The following KLHL4 variants were observed in gnomAD, a reference collection of about 807,000 sequenced individuals.
KLHL4 encodes kelch-like protein 4.
Under a neutral mutation model 45.8 loss-of-function variants are expected in KLHL4, and 17 were observed. That is an observed-to-expected ratio of 0.37 (90% CI 0.25 to 0.56). The LOEUF (loss-of-function observed/expected upper bound fraction) is 0.56, where lower values mean the gene tolerates loss of function less well. KLHL4 is among the 20% of genes least tolerant of loss of function. The pLI is 0.79. For synonymous variants in KLHL4, 224 were observed against 189.9 expected, an observed-to-expected ratio of 1.18 and a Z score of -1.47; for missense variants, 544 against 544.9, an observed-to-expected ratio of 1.00 and a Z score of 0.02.
chrX:87,622,041 G>A (rs775224618), intron 4 of KLHL4, among the ~76,000 whole-genome samples, 170 bp from the exon 5 acceptor site: 1 of 111,647 alleles, frequency 9.0e-6, no homozygotes, highest in Admixed American at 9.6e-5. Context: ...GCTCCAGAAG[G>A]CTCCCTGTTA....
Position 87,664,322 on chromosome X carries a change from G to T in KLHL4, c.1926-442G>T, listed in dbSNP as rs1924293598. Reference sequence around the variant, plus strand: ...TACTACATTTCATACAGCAAAAATAGAAAGGCAATTATATTCAGGTTTACT... The same window carrying T: ...TACTACATTTCATACAGCAAAAATATAAAGGCAATTATATTCAGGTTTACT... On this transcript the variant is annotated intron_variant, in intron 9 of 10. Coordinates refer to ENST00000373119, the MANE Select transcript of KLHL4 (RefSeq NM_019117.5). 2.7e-5 allele frequency among the ~76,000 whole-genome samples: 3 copies of T among 111,826 alleles called. No homozygotes were observed. In the Admixed American group the frequency reaches 2.9e-4, roughly 11 times the overall value.
chrX:87,669,722 GA>G lies in KLHL4; in HGVS notation c.*3190del, dbSNP rs1014830562. On this transcript the variant is annotated 3_prime_UTR_variant, in exon 11 of 11. Coordinates refer to ENST00000373119, the MANE Select transcript of KLHL4 (RefSeq NM_019117.5). ...TTCAGTTGCTATTTCTCTTCGTAAT[GA>G]ATTTTCTTTACATCCTGTCCACACT... 1.8e-5 allele frequency: 3 copies of G among 163,012 alleles called. No individual in the cohort carries two copies. The highest frequency in any genetic ancestry group is 1.5e-4 in the Admixed American group (2 of 13,259). The allele number at this position is 163,012 out of a possible 1,213,427, so 13.4% of individuals were successfully genotyped here. A position where few individuals can be genotyped will look rare whatever the true frequency, so the allele number is the denominator to read the frequency against.
intron 1 of KLHL4, among the ~76,000 whole-genome samples, chrX:87,581,961 T>C (rs1228597144): frequency 8.9e-6 from 1 of 111,950 alleles, no homozygotes; most frequent in Non-Finnish European, 1.9e-5. Flanking sequence ...CTAAGAGGTA[T>C]GATAGAACAG....
intron 1 of KLHL4, among the ~76,000 whole-genome samples, chrX:87,582,938 C>T (rs1037621452): frequency 2.0e-4 from 22 of 111,669 alleles, no homozygotes; most frequent in African/African-American, 6.5e-4. Context: ...TGTCCCCTCC[C>T]ATGTTCTGTT....
rs185003987 is a variant in KLHL4, at chrX:87,566,504, C to A, written c.423-47373C>A. Among the ~76,000 whole-genome samples the A allele has an allele frequency of 2.7e-5, 3 of 111,719 alleles. No homozygotes were observed. The East Asian group carries it at 8.5e-4, about 32-fold the overall frequency. Reference sequence around the variant, plus strand: ...ACATTAGCCTAAAATTGGGCAAAATCATCTAACATTAAGCCTATTTCATAG... The same window carrying A: ...ACATTAGCCTAAAATTGGGCAAAATAATCTAACATTAAGCCTATTTCATAG... On this transcript the variant is annotated intron_variant, in intron 1 of 10. Transcript: ENST00000373119.
At chrX:87,533,198 T>C (rs1002694845) in intron 1 of KLHL4, among the ~76,000 whole-genome samples, 3 of 109,938 alleles carry the variant, frequency 2.7e-5, no homozygotes, top group Admixed American at 2.0e-4. Context: ...GTCATGCCAT[T>C]ACTGGGTATA....
chrX:87,646,894 T>C (rs1923655857), intron 9 of KLHL4, among the ~76,000 whole-genome samples: 1 of 110,824 alleles, frequency 9.0e-6, no homozygotes, highest in Non-Finnish European at 1.9e-5. Context: ...CAGAGATAAA[T>C]AGATGGGACT....
In KLHL4 at chrX:87,518,119, C is replaced by G; in HGVS notation, c.226C>G (p.Pro76Ala). The G allele has an allele frequency of 8.3e-7, 1 of 1,211,808 alleles. No individual in the cohort carries two copies. Among genetic ancestry groups the G allele is most frequent in the Middle Eastern group, 2.3e-4 (1 of 4,348 alleles). Residue 76 changes from proline to alanine, a missense_variant, in exon 1 of 11, where the codon CCA becomes GCA. Physicochemically the swap from Pro to Ala is conservative, Grantham distance 27. Transcript: ENST00000373119. ...NSPVHHNILA[P>A]VPGPAPAHQR... ...TCCTGTCCACCACAATATACTGGCACCAGTGCCAGGACCGGCCCCTGCCCA... is the reference window on the plus strand; with the variant it reads ...TCCTGTCCACCACAATATACTGGCAGCAGTGCCAGGACCGGCCCCTGCCCA...
At chrX:87,601,065 C>T (rs1452511731) in intron 1 of KLHL4, among the ~76,000 whole-genome samples, 3 of 111,450 alleles carry the variant, frequency 2.7e-5, no homozygotes, top group Non-Finnish European at 5.6e-5. Flanking sequence ...TTACCAGCAG[C>T]GAATCCATAC....
chrX:87,517,976 GT>G lies in KLHL4; in HGVS notation c.85del (p.Ser29ProfsTer24), dbSNP rs781772260. 10 of 1,209,528 alleles carry G rather than the reference GT, an allele frequency of 8.3e-6. No homozygotes were observed. In the Admixed American group the frequency reaches 2.2e-4, roughly 26 times the overall value. On this transcript the variant is annotated frameshift_variant, in exon 1 of 11. Coordinates refer to ENST00000373119, the MANE Select transcript of KLHL4 (RefSeq NM_019117.5). LOFTEE classifies it high-confidence loss of function. Reference protein sequence around the residue: ...RWRWFSHPFQGSTNTGSCLQQ... With the variant: ...RWRWFSHPFQXSTNTGSCLQQ... ...AGGTGGTTTAGTCATCCTTTTCAAG[GT>G]TCCACCAACACTGGAAGCTGTCTTC...
chrX:87,565,612 G>A (rs928950474), intron 1 of KLHL4, among the ~76,000 whole-genome samples: 6 of 99,145 alleles, frequency 6.1e-5, no homozygotes, highest in Non-Finnish European at 9.9e-5. Flanking sequence ...TGTAAACCCA[G>A]CTACTCTGGA....
At chrX:87,553,007 C>A (rs1398674573) in intron 1 of KLHL4, among the ~76,000 whole-genome samples, 2 of 110,764 alleles carry the variant, frequency 1.8e-5, no homozygotes, top group Admixed American at 1.9e-4. Flanking sequence ...GATGGACACC[C>A]CATTCTCTGT....
At chrX:87,563,753 C>A (rs1401882022) in intron 1 of KLHL4, among the ~76,000 whole-genome samples, 1 of 110,188 alleles carries the variant, frequency 9.1e-6, no homozygotes, top group East Asian at 2.9e-4. Context: ...TACTAGTATT[C>A]AAGTACAAGG....
intron 1 of KLHL4, among the ~76,000 whole-genome samples, chrX:87,531,129 TA>T (rs1413025819): frequency 1.8e-5 from 2 of 110,819 alleles, no homozygotes; most frequent in African/African-American, 3.3e-5. Flanking sequence ...TTTTTTCTTG[TA>T]AATTTGTTTG....
rs891532258 is a variant in KLHL4 at position 87,668,619 on chromosome X, G to T, written c.*2085G>T. 12 of 220,047 alleles carry T rather than the reference G, an allele frequency of 5.5e-5. No individual in the cohort carries two copies. The highest frequency in any genetic ancestry group is 7.8e-5 in the Non-Finnish European group (12 of 153,095). 18.1% of individuals were successfully genotyped at this position (220,047 alleles called of 1,213,427 possible). On this transcript the variant is annotated 3_prime_UTR_variant, in exon 11 of 11. Coordinates refer to ENST00000373119, the MANE Select transcript of KLHL4 (RefSeq NM_019117.5). ...CCTTAAGAGGTGATTGGGCCATGAG[G>T]TCTGTGCCCTCCTGAATGGATTAAT...
At chrX:87,636,446 C>T (rs1334774178) in intron 9 of KLHL4, among the ~76,000 whole-genome samples, 1 of 111,545 alleles carries the variant, frequency 9.0e-6, no homozygotes, top group Non-Finnish European at 1.9e-5. Flanking sequence ...TAAGAACTAC[C>T]GCAGGAACAT....
chrX:87,625,459 G>A (rs899562793), intron 5 of KLHL4, 151 bp from the exon 6 acceptor site: 14 of 365,732 alleles, frequency 3.8e-5, no homozygotes, highest in Middle Eastern at 7.7e-4. Flanking sequence ...TCAAACTCCT[G>A]AGCTCCAGCG....
intron 9 of KLHL4, among the ~76,000 whole-genome samples, chrX:87,636,752 T>G (rs1282911851): frequency 9.1e-6 from 1 of 109,658 alleles, no homozygotes; most frequent in Non-Finnish European, 1.9e-5. Context: ...GAGCTAGCCA[T>G]AATCCCCCTG....
chrX:87,602,513 T>A (rs1436734586), intron 1 of KLHL4, among the ~76,000 whole-genome samples: 1 of 112,011 alleles, frequency 8.9e-6, no homozygotes, highest in Admixed American at 9.5e-5. Context: ...CAAATCCTGT[T>A]GTGTTACCAT....
Sources: allele counts gnomAD v4.1 joint callset (sites outside exome capture counted in the v4.1 genomes callset), GRCh38; gene constraint gnomAD v4.1.1; transcripts MANE v1.5; gene names NCBI Gene and HGNC (gene_info 2026-07-23, HGNC 2026-07-21).